ABI3BP: variants seen among roughly 807,000 people sequenced by gnomAD.
ABI3BP encodes target of Nesh-SH3.
Under a neutral mutation model 268.6 loss-of-function variants are expected in ABI3BP, and 216 were observed. That is an observed-to-expected ratio of 0.80 (90% CI 0.72 to 0.90). The LOEUF (loss-of-function observed/expected upper bound fraction) is 0.90. ABI3BP is among the 40% of genes least tolerant of loss of function. The pLI is 0.00. For missense variants in ABI3BP, 2,090 were observed against 2,182.4 expected (o/e 0.96, Z 0.84); for synonymous variants, 730 against 730.0 (o/e 1.00, Z 0.00).
intron 1 of ABI3BP, among the ~76,000 whole-genome samples, chr3:100,968,078 C>G (rs1269655802): frequency 6.6e-6 from 1 of 152,072 alleles, no homozygotes; most frequent in African/African-American, 2.4e-5. Context: ...CATGGACGAG[C>G]CTGGGGAGTT....
At chr3:100,917,096 A>G (rs2058827852) in intron 2 of ABI3BP, among the ~76,000 whole-genome samples, 1 of 152,216 alleles carries the variant, frequency 6.6e-6, no homozygotes, top group East Asian at 1.9e-4. Context: ...ATAGGCAACT[A>G]GGCAGGGAGC....
At chr3:100,754,484 C>T (rs758574679) in intron 64 of ABI3BP, 128 bp downstream of exon 64, 130 of 927,950 alleles carry the variant, frequency 1.4e-4, no homozygotes, top group Non-Finnish European at 2.0e-4. Context: ...TGCTTTTTCC[C>T]ACAAATGGGT....
chr3:100,834,185 A>G (rs1230032464), intron 29 of ABI3BP, among the ~76,000 whole-genome samples: 1 of 152,136 alleles, frequency 6.6e-6, no homozygotes, highest in Non-Finnish European at 1.5e-5. Context: ...AAAGGTTCAC[A>G]TTACACTTAT....
chr3:100,769,878 G>T lies in ABI3BP; in HGVS notation c.4741+865C>A, dbSNP rs116716655. Among the ~76,000 whole-genome samples, 519 of 152,256 alleles carry T rather than the reference G, an allele frequency of 3.4e-3. 5 individuals are homozygous for T. The highest frequency in any genetic ancestry group is 5.0e-3 in the Non-Finnish European group (339 of 68,016). ...CTAGTTAAGATAAGCCGCTTACACT[G>T]GAAGTTGCCCAGATCCAATGGTTCT... On this transcript the variant is annotated intron_variant, in intron 62 of 67. Coordinates refer to ENST00000471714, the MANE Select transcript of ABI3BP (RefSeq NM_001375547.2).
At chr3:100,926,167 T>C (rs1038856994) in intron 2 of ABI3BP, 135 bp downstream of exon 2, 1 of 856,134 alleles carries the variant, frequency 1.2e-6, no homozygotes, top group Non-Finnish European at 1.8e-6. Flanking sequence ...ATTATGAAGA[T>C]GTCTTGTAAT....
chr3:100,821,285 A>C (rs1407135866), intron 38 of ABI3BP, among the ~76,000 whole-genome samples, 172 bp from the exon 39 acceptor site: 1 of 152,208 alleles, frequency 6.6e-6, no homozygotes, highest in African/African-American at 2.4e-5. Context: ...AAATTTGACT[A>C]TACCTAACTC....
intron 1 of ABI3BP, among the ~76,000 whole-genome samples, chr3:100,979,975 G>A (rs570310844): frequency 2.6e-5 from 4 of 152,278 alleles, no homozygotes; most frequent in African/African-American, 7.2e-5. Flanking sequence ...AATTCTCTAA[G>A]TAATCCAATG....
In ABI3BP at chr3:100,789,538, T is replaced by C. The variant is rs2097142000; in HGVS notation, c.4025-22A>G. 4 of 1,572,670 alleles carry C rather than the reference T, an allele frequency of 2.5e-6. No homozygotes were observed. In the African/African-American group the frequency reaches 5.4e-5, roughly 21 times the overall value. On this transcript the variant is annotated intron_variant, in intron 55 of 67. Transcript: ENST00000471714. ...GGCGCTGAAACAGAGGAACACTTTATATTTAATAACCAACAGACCAAAGCC... is the reference window on the plus strand; with the variant it reads ...GGCGCTGAAACAGAGGAACACTTTACATTTAATAACCAACAGACCAAAGCC...
At chr3:100,838,532 A>AACC in intron 24 of ABI3BP, 68 bp from the exon 25 acceptor site, 1 of 1,266,542 alleles carries the variant, frequency 7.9e-7, no homozygotes, top group Non-Finnish European at 1.1e-6. Context: ...AAGGACAATT[A>AACC]TGCAGAACAA....
intron 1 of ABI3BP, among the ~76,000 whole-genome samples, chr3:100,990,911 G>T (rs1353656534): frequency 4.6e-5 from 7 of 152,162 alleles, no homozygotes; most frequent in African/African-American, 1.7e-4. Context: ...TGTTAGGTCA[G>T]TGGTTTCCAA....
In ABI3BP at chr3:100,864,447, G is replaced by C. The variant is rs1183387128; in HGVS notation, c.1064-371C>G. On this transcript the variant is annotated intron_variant, in intron 11 of 67. Coordinates refer to ENST00000471714, the MANE Select transcript of ABI3BP (RefSeq NM_001375547.2). ...CTTTTGGGGATTCTTCCCAAATTTA[G>C]TATGCACAAGACTTCCCAAAGCCAC... is the stretch of plus-strand genomic sequence containing the variant. 1.2e-5 allele frequency: 4 copies of C among 330,774 alleles called. No individual in the cohort carries two copies. In the Admixed American group the frequency reaches 1.3e-4, roughly 11 times the overall value. 20.5% of individuals were successfully genotyped at this position (330,774 alleles called of 1,614,324 possible).
At chr3:100,813,274 C>T (rs1260157908) in intron 45 of ABI3BP, among the ~76,000 whole-genome samples, 1 of 152,104 alleles carries the variant, frequency 6.6e-6, no homozygotes, top group Non-Finnish European at 1.5e-5. Context: ...ATTTCTCCTT[C>T]CTTGATGGTC....
chr3:100,754,426 TTAAG>T (rs1210702843), intron 64 of ABI3BP, among the ~76,000 whole-genome samples, 182 bp downstream of exon 64: 4 of 152,222 alleles, frequency 2.6e-5, no homozygotes, highest in Non-Finnish European at 4.4e-5. Flanking sequence ...TGATGTGTCT[TTAAG>T]TGAGGAAAAA....
intron 63 of ABI3BP, among the ~76,000 whole-genome samples, chr3:100,756,996 A>G (rs184886821): frequency 1.1e-4 from 16 of 152,188 alleles, no homozygotes; most frequent in Non-Finnish European, 8.8e-5. Flanking sequence ...GAAATGTCTC[A>G]ATATTGATTG....
At chr3:100,864,269 G>A in intron 11 of ABI3BP, 193 bp from the exon 12 acceptor site, 1 of 575,298 alleles carries the variant, frequency 1.7e-6, no homozygotes. Flanking sequence ...AAAGGGCAGT[G>A]GTGTGGCTGA....
chr3:100,930,276 T>A (rs925683134), intron 1 of ABI3BP, among the ~76,000 whole-genome samples: 4 of 151,848 alleles, frequency 2.6e-5, no homozygotes, highest in Admixed American at 2.0e-4. Flanking sequence ...GCACCGTATA[T>A]GAGGAACAAA....
rs1383798808 is a variant in ABI3BP, at chr3:100,816,719, T to C, written c.3198A>G (p.Thr1066=). The change falls in exon 43 of 68, where the codon ACA becomes ACG. Residue 1066 remains threonine (T), a synonymous_variant. Transcript: ENST00000471714. ...TGTTCTGAGGTACTTCAGGACTTGA[T>C]GTAGTTTTGGGTCTGGGACGGGGAC... The part of the protein sequence containing the change: ...TRRPRPRPKT[T]SSPEVPQNKS... 5.2e-6 allele frequency: 8 copies of C among 1,535,860 alleles called. No homozygotes were observed. In the Admixed American group the frequency reaches 7.8e-5, roughly 15 times the overall value.
chr3:100,906,186 C>A (rs2053360771), intron 2 of ABI3BP, among the ~76,000 whole-genome samples: 1 of 152,112 alleles, frequency 6.6e-6, no homozygotes, highest in South Asian at 2.1e-4. Flanking sequence ...AAAGAAAGAC[C>A]CGAAACACTA....
rs145199802 is a variant in ABI3BP at position 100,756,216 on chromosome 3, A to G, written c.4851-1525T>C. ...GGCTCAAAACACTTGTACTGTTACT[A>G]TTTTTGCTTTTCAAAACTTTAAAAC... On this transcript the variant is annotated intron_variant, in intron 63 of 67. Transcript: ENST00000471714. 2.0e-4 allele frequency among the ~76,000 whole-genome samples: 30 copies of G among 152,268 alleles called. No homozygotes were observed. In the East Asian group the frequency reaches 4.6e-3, roughly 24 times the overall value.
Sources: allele counts gnomAD v4.1 joint callset (sites outside exome capture counted in the v4.1 genomes callset), GRCh38; gene constraint gnomAD v4.1.1; transcripts MANE v1.5; gene names NCBI Gene and HGNC (gene_info 2026-07-23, HGNC 2026-07-21).